Variants in PGLYRP3 observed in about 807,000 individuals in gnomAD.
PGLYRP3 encodes peptidoglycan recognition protein I alpha.
A neutral mutation model predicts 36.0 loss-of-function variants in PGLYRP3; 39 were observed. That is an observed-to-expected ratio of 1.08 (90% CI 0.84 to 1.41). PGLYRP3 has a LOEUF of 1.41. PGLYRP3 is among the 40% of genes most tolerant of loss of function. The pLI, the probability that PGLYRP3 is intolerant of heterozygous loss-of-function variation, is 0.00. For missense variants in PGLYRP3, 407 were observed against 427.9 expected, an observed-to-expected ratio of 0.95 and a Z score of 0.43; for synonymous variants, 204 against 172.8, an observed-to-expected ratio of 1.18 and a Z score of -1.42.
intron 1 of PGLYRP3, among the ~76,000 whole-genome samples, chr1:153,310,908 A>G (rs1247431998): frequency 1.3e-5 from 2 of 150,894 alleles, no homozygotes; most frequent in Admixed American, 6.6e-5. Context: ...CTAGCCACCG[A>G]CTCCCCACCC....
intron 3 of PGLYRP3, among the ~76,000 whole-genome samples, chr1:153,305,821 C>T (rs1659725656): frequency 6.6e-6 from 1 of 152,198 alleles, no homozygotes; most frequent in Non-Finnish European, 1.5e-5. Context: ...CCTGGTGTGT[C>T]CACCCCTTCC....
In PGLYRP3 at chr1:153,297,380, G is replaced by A. The variant is rs1381631701; in HGVS notation, c.*576C>T. On this transcript the variant is annotated 3_prime_UTR_variant, in exon 8 of 8. Transcript: ENST00000683862. ...GTGGGCACACTGACCTAGGTCATGG[G>A]TGAGGGATGAAGGGTGGGGGCTTCC... Among the ~76,000 whole-genome samples the A allele has an allele frequency of 6.7e-6, 1 of 150,336 alleles. No homozygotes were observed. Among genetic ancestry groups the A allele is most frequent in the Non-Finnish European group, 1.5e-5 (1 of 67,722 alleles).
chr1:153,308,107 G>T (rs553032990), intron 2 of PGLYRP3, among the ~76,000 whole-genome samples: 7 of 151,370 alleles, frequency 4.6e-5, no homozygotes, highest in African/African-American at 1.7e-4. Flanking sequence ...CAATTCTCTT[G>T]CTTCAGCCTC....
intron 1 of PGLYRP3, 70 bp from the exon 2 acceptor site, chr1:153,310,776 C>T: frequency 4.1e-6 from 4 of 972,612 alleles, no homozygotes; most frequent in South Asian, 1.4e-5. Flanking sequence ...TACTATGTGG[C>T]ACCACTGTCT....
At chr1:153,300,595 C>G (rs536448775) in intron 6 of PGLYRP3, among the ~76,000 whole-genome samples, 2 of 152,174 alleles carry the variant, frequency 1.3e-5, no homozygotes, top group Admixed American at 6.5e-5. Flanking sequence ...AGGACTCTTA[C>G]GCACACAAGC....
chr1:153,308,132 T>C (rs960796495), intron 2 of PGLYRP3, among the ~76,000 whole-genome samples: 9 of 152,018 alleles, frequency 5.9e-5, no homozygotes, highest in African/African-American at 2.2e-4. Flanking sequence ...GTAACTGGAA[T>C]TACAGGTGCA....
At chr1:153,306,981 G>T in intron 3 of PGLYRP3, 85 bp downstream of exon 3, 1 of 1,211,346 alleles carries the variant, frequency 8.3e-7, no homozygotes, top group Non-Finnish European at 1.1e-6. Flanking sequence ...ATGAAGCGCA[G>T]AAAATAAGAG....
At chr1:153,310,760 C>T in intron 1 of PGLYRP3, 54 bp from the exon 2 acceptor site, 2 of 1,114,590 alleles carry the variant, frequency 1.8e-6, no homozygotes, top group South Asian at 1.3e-5. Flanking sequence ...AAGTGGAGCA[C>T]CCACCTACTA....
At chr1:153,304,725 A>T (rs1250833029) in intron 4 of PGLYRP3, among the ~76,000 whole-genome samples, 1 of 152,234 alleles carries the variant, frequency 6.6e-6, no homozygotes, top group East Asian at 1.9e-4. Context: ...ACGCCCATGC[A>T]AGCTTCAGCA....
At position 153,297,449 on chromosome 1, in the gene PGLYRP3, G is replaced by A. The variant is rs1220011166; in HGVS notation, c.*507C>T. On this transcript the variant is annotated 3_prime_UTR_variant, in exon 8 of 8. Transcript: ENST00000683862. ...GCTCACCAGGCAGAGGCGGGGAGAG[G>A]GGGAGAGAGAGAGAGAGAGAGAGAG... Among the ~76,000 whole-genome samples the A allele has an allele frequency of 8.8e-6, 1 of 113,234 alleles. No individual in the cohort carries two copies. The highest frequency in any genetic ancestry group is 3.7e-5 in the African/African-American group (1 of 26,834). The allele number at this position is 113,234 out of a possible 152,430, so 74.3% of individuals were successfully genotyped here. A position where few individuals can be genotyped will look rare whatever the true frequency, so the allele number is the denominator to read the frequency against.
chr1:153,308,085 C>G (rs945831345), intron 2 of PGLYRP3, among the ~76,000 whole-genome samples: 1 of 152,014 alleles, frequency 6.6e-6, no homozygotes, highest in Non-Finnish European at 1.5e-5. Context: ...GCCTCCACCT[C>G]CCGGATTCAA....
chr1:153,307,596 C>G (rs1257435547), intron 2 of PGLYRP3, among the ~76,000 whole-genome samples: 1 of 152,170 alleles, frequency 6.6e-6, no homozygotes, highest in Non-Finnish European at 1.5e-5. Context: ...GCCAACCCCG[C>G]CGCCCACCCT....
intron 6 of PGLYRP3, 135 bp from the exon 7 acceptor site, chr1:153,299,366 G>A: frequency 2.8e-6 from 2 of 717,306 alleles, no homozygotes; most frequent in Non-Finnish European, 4.7e-6. Flanking sequence ...ATGTGCCAAT[G>A]TGGACAAGGA....
Position 153,310,609 on chromosome 1 carries a change from AC to A in PGLYRP3, c.55+1del. On this transcript the variant is annotated splice_donor_variant, in intron 2 of 7. Coordinates refer to ENST00000683862, the MANE Select transcript of PGLYRP3 (RefSeq NM_052891.3). LOFTEE classifies it high-confidence loss of function. ...CTTCTGATGCAAGTAAATAAAACTT[AC>A]CCCAAGCCTGGAGACCCAGAATGAA... 1 of 1,614,020 alleles carries A rather than the reference AC, an allele frequency of 6.2e-7. No individual in the cohort carries two copies. The highest frequency in any genetic ancestry group is 8.5e-7 in the Non-Finnish European group (1 of 1,179,924).
intron 7 of PGLYRP3, 38 bp from the exon 8 acceptor site, chr1:153,298,172 C>A (rs750382249): frequency 6.2e-7 from 1 of 1,600,344 alleles, no homozygotes; most frequent in Non-Finnish European, 8.5e-7. Flanking sequence ...ATTAGGGGCT[C>A]AAAGTTTCTT....
chr1:153,301,642 G>A (rs1357525711), intron 6 of PGLYRP3, among the ~76,000 whole-genome samples: 1 of 152,224 alleles, frequency 6.6e-6, no homozygotes, highest in African/African-American at 2.4e-5. Context: ...TTTAAAACAG[G>A]AGTTAAAAGG....
chr1:153,305,988 A>T (rs781332607), intron 3 of PGLYRP3, among the ~76,000 whole-genome samples: 1 of 152,230 alleles, frequency 6.6e-6, no homozygotes, highest in Non-Finnish European at 1.5e-5. Context: ...TTAGAGATGC[A>T]GAGGCTGAAA....
At chr1:153,300,900 T>A (rs1371609703) in intron 6 of PGLYRP3, among the ~76,000 whole-genome samples, 1 of 152,188 alleles carries the variant, frequency 6.6e-6, no homozygotes, top group Non-Finnish European at 1.5e-5. Flanking sequence ...AAAATACTTA[T>A]CTTTATTCTC....
At chr1:153,307,044 A>G in intron 3 of PGLYRP3, 22 bp downstream of exon 3, 1 of 1,610,274 alleles carries the variant, frequency 6.2e-7, no homozygotes, top group Non-Finnish European at 8.5e-7. Context: ...TGTGGGCCTC[A>G]GGGACTTGGC....
Sources: allele counts gnomAD v4.1 joint callset (sites outside exome capture counted in the v4.1 genomes callset), GRCh38; gene constraint gnomAD v4.1.1; transcripts MANE v1.5; gene names NCBI Gene and HGNC (gene_info 2026-07-23, HGNC 2026-07-21).